INPP5A: variants seen among roughly 807,000 people sequenced by gnomAD.
INPP5A encodes inositol polyphosphate-5-phosphatase A.
In INPP5A, 14 loss-of-function variants were observed where a neutral mutation model predicts 65.2. The observed-to-expected ratio is 0.21, with a 90% CI of 0.14 to 0.34. INPP5A has a LOEUF of 0.34. INPP5A is among the 10% of genes least tolerant of loss of function. INPP5A has a pLI of 1.00. For synonymous variants in INPP5A, 207 were observed against 208.3 expected (o/e 0.99, Z 0.05); for missense variants, 431 against 545.6 (o/e 0.79, Z 2.09).
intron 9 of INPP5A, among the ~76,000 whole-genome samples, chr10:132,747,195 A>G (rs1410593030): frequency 6.6e-6 from 1 of 152,190 alleles, no homozygotes; most frequent in Non-Finnish European, 1.5e-5. Flanking sequence ...GCCCATTAGC[A>G]TCTGGATGGG....
chr10:132,600,833 G>C (rs1296078902), intron 1 of INPP5A, among the ~76,000 whole-genome samples: 2 of 152,194 alleles, frequency 1.3e-5, no homozygotes, highest in Non-Finnish European at 2.9e-5. Context: ...AAACCCATCA[G>C]ATCTCATGAG....
chr10:132,755,461 AGT>A (rs147749285), intron 11 of INPP5A, among the ~76,000 whole-genome samples: 3,740 of 132,698 alleles, frequency 0.028, 243 homozygotes, highest in African/African-American at 0.1. Flanking sequence ...GGTGTGAGCG[AGT>A]GTGTGTGAGC....
chr10:132,744,981 G>A (rs1252106569), intron 9 of INPP5A, among the ~76,000 whole-genome samples: 3 of 152,162 alleles, frequency 2.0e-5, no homozygotes, highest in African/African-American at 4.8e-5. Flanking sequence ...AGCTTGCGAG[G>A]CCCGGGCTGC....
intron 11 of INPP5A, among the ~76,000 whole-genome samples, chr10:132,750,947 T>C (rs3793681): frequency 0.21 from 31,501 of 152,176 alleles, 3,432 homozygotes; most frequent in Non-Finnish European, 0.25. Context: ...GGTGTCTGTG[T>C]GTCAGTTTCC....
chr10:132,662,778 A>G (rs1189285150), intron 4 of INPP5A, among the ~76,000 whole-genome samples: 16 of 152,070 alleles, frequency 1.1e-4, no homozygotes, highest in Non-Finnish European at 1.2e-4. Context: ...CCACCCTTTC[A>G]TGCTGTAGTT....
In INPP5A at chr10:132,552,320, C is replaced by T. The variant is rs563971248; in HGVS notation, c.75+14149C>T. 2.2e-5 allele frequency among the ~76,000 whole-genome samples: 3 copies of T among 138,026 alleles called. No individual in the cohort carries two copies. The East Asian group carries it at 6.5e-4, about 30-fold the overall frequency. The allele number at this position is 138,026 out of a possible 152,430, so 90.6% of individuals were successfully genotyped here. A position where few individuals can be genotyped will look rare whatever the true frequency, so the allele number is the denominator to read the frequency against. On this transcript the variant is annotated intron_variant, in intron 1 of 15. Transcript: ENST00000368594. ...GAACGCCTTCTCAGAGCCTTGGTGGCATATTGAGTGGGATAGGGAGGGAGG... is the reference window on the plus strand; with the variant it reads ...GAACGCCTTCTCAGAGCCTTGGTGGTATATTGAGTGGGATAGGGAGGGAGG...
At chr10:132,716,793 A>G (rs1298287981) in intron 8 of INPP5A, among the ~76,000 whole-genome samples, 1 of 152,214 alleles carries the variant, frequency 6.6e-6, no homozygotes, top group Non-Finnish European at 1.5e-5. Flanking sequence ...TGAGAAAAAC[A>G]AAAGTAAAAT....
rs976858960 is a variant in INPP5A at position 132,698,552 on chromosome 10, T to C, written c.474+633T>C. On this transcript the variant is annotated intron_variant, in intron 6 of 15. Coordinates refer to ENST00000368594, the MANE Select transcript of INPP5A (RefSeq NM_005539.5). This position sits in a 1 kb window ranked among gnomAD's most constrained non-coding sequence, Gnocchi z 5.5. ...GGCTGTTGCTCTGTGCACGTGATCT[T>C]TGGGTAAACCTCACACGCGGCATTG... 1.3e-5 allele frequency among the ~76,000 whole-genome samples: 2 copies of C among 152,238 alleles called. No individual in the cohort carries two copies. Among genetic ancestry groups the C allele is most frequent in the Non-Finnish European group, 2.9e-5 (2 of 68,048 alleles).
At chr10:132,607,723 G>C (rs942065578) in intron 1 of INPP5A, among the ~76,000 whole-genome samples, 192 bp from the exon 2 acceptor site, 3 of 152,250 alleles carry the variant, frequency 2.0e-5, no homozygotes, top group Admixed American at 2.0e-4. Flanking sequence ...GCACAGAGCG[G>C]AGCCCCCACA....
rs928388539 is a variant in INPP5A at position 132,618,294 on chromosome 10, CTTCACGGATGCA to C, written c.117+10339_117+10350del. Among the ~76,000 whole-genome samples the C allele has an allele frequency of 2.8e-4, 43 of 152,326 alleles. No homozygotes were observed. In the Middle Eastern group the frequency reaches 0.01, roughly 36 times the overall value. On this transcript the variant is annotated intron_variant, in intron 2 of 15. Coordinates refer to ENST00000368594, the MANE Select transcript of INPP5A (RefSeq NM_005539.5). ...CATCAGCAGTACTGACATGAGTGTG[CTTCACGGATGCA>C]AGGCTGGCACTGTCCACAGGGTCAT...
At position 132,782,559 on chromosome 10, in the gene INPP5A, G is replaced by C. The variant is rs1325772057; in HGVS notation, c.*530G>C. The C allele has an allele frequency of 1.3e-5, 2 of 152,312 alleles. No individual in the cohort carries two copies. Among genetic ancestry groups the C allele is most frequent in the African/African-American group, 2.4e-5 (1 of 41,192 alleles). 9.4% of individuals were successfully genotyped at this position (152,312 alleles called of 1,614,324 possible). ...CACTGACTCTGCGCCGTGTCACATGGTTTTTGAATCACACTGCAGCTGCTT... is the reference window on the plus strand; with the variant it reads ...CACTGACTCTGCGCCGTGTCACATGCTTTTTGAATCACACTGCAGCTGCTT... On this transcript the variant is annotated 3_prime_UTR_variant, in exon 16 of 16. Transcript: ENST00000368594. This position sits in a 1 kb window ranked among gnomAD's most constrained non-coding sequence, Gnocchi z 4.4.
chr10:132,741,546 C>T lies in INPP5A; in HGVS notation c.733-7971C>T, dbSNP rs539476848. Among the ~76,000 whole-genome samples, 319 of 152,312 alleles carry T rather than the reference C, an allele frequency of 2.1e-3. 2 individuals are homozygous for T. The highest frequency in any genetic ancestry group is 7.5e-3 in the African/African-American group (313 of 41,562). ...GTCCACTCCACAGAACCCTGGCCCT[C>T]GTCACACCCAGAAGAGGATGCCCCA... On this transcript the variant is annotated intron_variant, in intron 9 of 15. Coordinates refer to ENST00000368594, the MANE Select transcript of INPP5A (RefSeq NM_005539.5). The surrounding 1 kb of genome is among the most constrained non-coding windows in gnomAD (Gnocchi z 4.4).
chr10:132,729,813 G>A (rs1383596766), intron 9 of INPP5A, among the ~76,000 whole-genome samples: 1 of 152,206 alleles, frequency 6.6e-6, no homozygotes, highest in Admixed American at 6.5e-5. Flanking sequence ...TACAGAGGAC[G>A]GGAATTCTAA....
intron 4 of INPP5A, among the ~76,000 whole-genome samples, chr10:132,667,332 C>A (rs1220239966): frequency 6.6e-6 from 1 of 152,224 alleles, no homozygotes; most frequent in Non-Finnish European, 1.5e-5. Context: ...CAAGCCATTA[C>A]TGTTGAAGCT....
At chr10:132,617,543 T>C (rs368078274) in intron 2 of INPP5A, among the ~76,000 whole-genome samples, 3 of 152,284 alleles carry the variant, frequency 2.0e-5, no homozygotes, top group East Asian at 3.9e-4. Context: ...TACCTGCTCG[T>C]GTGGCCAGTG....
Position 132,552,790 on chromosome 10 carries a change from T to C in INPP5A, c.75+14619T>C, listed in dbSNP as rs182916273. ...AGCCTTGGGGGAATATTGGGTAGGA[T>C]AGGGAGGGAGGACTGGTGAACGCCT... is the stretch of plus-strand genomic sequence containing the variant. On this transcript the variant is annotated intron_variant, in intron 1 of 15. Transcript: ENST00000368594. 3.2e-3 allele frequency among the ~76,000 whole-genome samples: 429 copies of C among 133,392 alleles called. 3 individuals are homozygous for C. Among genetic ancestry groups the C allele is most frequent in the African/African-American group, 9.4e-3 (324 of 34,512 alleles). 87.5% of individuals were successfully genotyped at this position (133,392 alleles called of 152,430 possible). A position where few individuals can be genotyped will look rare whatever the true frequency, so the allele number is the denominator to read the frequency against.
At chr10:132,718,919 G>A (rs1008462437) in intron 8 of INPP5A, among the ~76,000 whole-genome samples, 2 of 144,816 alleles carry the variant, frequency 1.4e-5, no homozygotes, top group Non-Finnish European at 3.0e-5. Flanking sequence ...CGGCTGTCTT[G>A]CGGGTTCTGT....
chr10:132,604,922 G>A (rs935554801), intron 1 of INPP5A, among the ~76,000 whole-genome samples: 4 of 152,322 alleles, frequency 2.6e-5, no homozygotes, highest in East Asian at 1.9e-4. Context: ...CAGGTGGAGC[G>A]GAGGGCAGGG....
Position 132,697,903 on chromosome 10 carries a change from A to G in INPP5A, c.458A>G (p.Gln153Arg), listed in dbSNP as rs1845371832. 1 of 1,610,906 alleles carries G rather than the reference A, an allele frequency of 6.2e-7. No individual in the cohort carries two copies. The highest frequency in any genetic ancestry group is 8.5e-7 in the Non-Finnish European group (1 of 1,177,160). ...TPMLEKEKFP[Q>R]DYFPECKWSR... ...ATGCTGGAGAAGGAGAAGTTTCCGCAGGACTACTTCCCCGAGGTACGTAGC... is the reference window on the plus strand; with the variant it reads ...ATGCTGGAGAAGGAGAAGTTTCCGCGGGACTACTTCCCCGAGGTACGTAGC... Residue 153 changes from glutamine to arginine, a missense_variant, in exon 6 of 16, where the codon CAG (glutamine) becomes CGG (arginine). Coordinates refer to ENST00000368594, the MANE Select transcript of INPP5A (RefSeq NM_005539.5). The surrounding 1 kb of genome is among the most constrained non-coding windows in gnomAD (Gnocchi z 5.6).
Sources: allele counts gnomAD v4.1 joint callset (sites outside exome capture counted in the v4.1 genomes callset), GRCh38; gene constraint gnomAD v4.1.1; non-coding constraint Gnocchi (gnomAD v3.1); transcripts MANE v1.5; gene names NCBI Gene and HGNC (gene_info 2026-07-23, HGNC 2026-07-21).